Variants in NBEA observed in about 807,000 individuals in gnomAD.
NBEA encodes lysosomal-trafficking regulator 2.
Under a neutral mutation model 343.4 loss-of-function variants are expected in NBEA, and 44 were observed. That is an observed-to-expected ratio of 0.13 (90% CI 0.10 to 0.16). The LOEUF is 0.16. Among genes scored for constraint, NBEA ranks in the 10% least tolerant of loss-of-function variants. The probability of loss-of-function intolerance (pLI) is 1.00; values close to 1 mark genes in which losing one functional copy is unlikely to be tolerated. For synonymous variants in NBEA, 1,175 were observed against 1,238.7 expected (o/e 0.95, Z 1.08); for missense variants, 2,555 against 3,631.3 (o/e 0.70, Z 7.62).
At chr13:35,216,278 A>G (rs1270273226) in intron 33 of NBEA, among the ~76,000 whole-genome samples, 1 of 151,786 alleles carries the variant, frequency 6.6e-6, no homozygotes, top group Non-Finnish European at 1.5e-5. Flanking sequence ...GTGTCTATAA[A>G]CTGTGGACCA....
At chr13:35,518,469 T>G (rs1594863155) in intron 41 of NBEA, among the ~76,000 whole-genome samples, 1 of 152,244 alleles carries the variant, frequency 6.6e-6, no homozygotes, top group East Asian at 1.9e-4. Context: ...AAGTCTGTGG[T>G]TTTCCACTGT....
chr13:35,085,839 A>G (rs1270198537), intron 10 of NBEA, among the ~76,000 whole-genome samples: 4 of 152,044 alleles, frequency 2.6e-5, no homozygotes, highest in Admixed American at 1.3e-4. Flanking sequence ...AAACCCCATC[A>G]TCTCAGCCCA....
intron 1 of NBEA, among the ~76,000 whole-genome samples, chr13:35,026,236 G>C (rs2062016254): frequency 6.6e-6 from 1 of 151,986 alleles, no homozygotes; most frequent in Non-Finnish European, 1.5e-5. Flanking sequence ...AGTTTCCTGA[G>C]GCCTCCCCAG....
intron 5 of NBEA, 89 bp downstream of exon 5, chr13:35,048,773 A>G: frequency 1.4e-6 from 1 of 711,842 alleles, no homozygotes; most frequent in Non-Finnish European, 2.3e-6. Flanking sequence ...GATAGAATAT[A>G]TGTATATATG....
chr13:35,403,489 A>G (rs1016728276), intron 38 of NBEA, among the ~76,000 whole-genome samples: 1 of 152,114 alleles, frequency 6.6e-6, no homozygotes, highest in Non-Finnish European at 1.5e-5. Context: ...AACCTGAGAA[A>G]AACAAGCAAT....
At chr13:35,462,966 C>A (rs1020978759) in intron 40 of NBEA, among the ~76,000 whole-genome samples, 2 of 152,108 alleles carry the variant, frequency 1.3e-5, no homozygotes, top group African/African-American at 4.8e-5. Flanking sequence ...TCTGTTGGGC[C>A]TCCAAAATTT....
chr13:35,513,421 G>T (rs983662348), intron 41 of NBEA, among the ~76,000 whole-genome samples: 1 of 149,846 alleles, frequency 6.7e-6, no homozygotes, highest in Non-Finnish European at 1.5e-5. Context: ...AAAGTGCTAG[G>T]ATTACAGGCA....
rs767001319 is a variant in NBEA, at chr13:35,159,275, A to G, written c.3104A>G (p.Asp1035Gly). Residue 1035 changes from aspartate (D) to glycine (G), a missense_variant, in exon 22 of 59, where the codon GAT becomes GGT. By Grantham distance (94) the Asp-to-Gly change is moderately conservative. Around this residue, in one of 21 missense-constraint regions of NBEA, gnomAD observed 367 missense variants for 377.5 expected, o/e 0.97. Transcript: ENST00000379939. ...RDLLMSTKVS[D>G]DILGNSDRPG... ...TTACTCATGTCAACAAAAGTGTCAG[A>G]TGATATTCTTGGAAATTCAGATAGA... is the stretch of plus-strand genomic sequence containing the variant. The G allele has an allele frequency of 1.2e-6, 2 of 1,613,590 alleles. No homozygotes were observed. Among genetic ancestry groups the G allele is most frequent in the South Asian group, 1.1e-5 (1 of 91,080 alleles).
chr13:35,394,011 G>A (rs17815518), intron 38 of NBEA, among the ~76,000 whole-genome samples: 4,491 of 152,162 alleles, frequency 0.03, 102 homozygotes, highest in Non-Finnish European at 0.045. Flanking sequence ...ATAATATGCA[G>A]CATACCAAGA....
chr13:35,304,514 C>T (rs571037286), intron 35 of NBEA, among the ~76,000 whole-genome samples: 208 of 152,132 alleles, frequency 1.4e-3, no homozygotes, highest in Admixed American at 3.6e-3. Context: ...CCACCACACC[C>T]GGCTAATTTT....
At chr13:35,010,993 T>G (rs1297814935) in intron 1 of NBEA, among the ~76,000 whole-genome samples, 3 of 151,552 alleles carry the variant, frequency 2.0e-5, no homozygotes, top group African/African-American at 7.3e-5. Flanking sequence ...TTTACTGTGT[T>G]TGCATGCTGA....
At chr13:35,304,357 G>GTA (rs1037806783) in intron 35 of NBEA, among the ~76,000 whole-genome samples, 3 of 151,064 alleles carry the variant, frequency 2.0e-5, no homozygotes, top group South Asian at 2.1e-4. Flanking sequence ...GTGTGTGTGT[G>GTA]TATATCTGTG....
At chr13:35,481,325 C>T (rs879774488) in intron 41 of NBEA, among the ~76,000 whole-genome samples, 1 of 151,850 alleles carries the variant, frequency 6.6e-6, no homozygotes, top group Non-Finnish European at 1.5e-5. Flanking sequence ...TACTGGATAA[C>T]TAGCCAAAAC....
intron 38 of NBEA, among the ~76,000 whole-genome samples, chr13:35,365,763 G>C (rs570830669): frequency 7.9e-5 from 12 of 151,758 alleles, no homozygotes; most frequent in African/African-American, 2.9e-4. Flanking sequence ...AAAAGGTTTA[G>C]AAATTTGAAT....
intron 33 of NBEA, among the ~76,000 whole-genome samples, chr13:35,231,885 C>T (rs755294981): frequency 6.6e-6 from 1 of 152,092 alleles, no homozygotes. Flanking sequence ...TTTACTTTTA[C>T]ATGTACCAAA....
chr13:35,545,386 T>G (rs116781123), intron 41 of NBEA, among the ~76,000 whole-genome samples: 79 of 152,306 alleles, frequency 5.2e-4, no homozygotes, highest in African/African-American at 1.9e-3. Flanking sequence ...AATCTCACTC[T>G]GCCACCTTCC....
intron 38 of NBEA, among the ~76,000 whole-genome samples, chr13:35,416,685 G>T (rs1021579022): frequency 6.6e-6 from 1 of 152,112 alleles, no homozygotes; most frequent in African/African-American, 2.4e-5. Flanking sequence ...AAGGATATTG[G>T]TCTAAAATTC....
At chr13:35,310,474 C>T (rs2037286286) in intron 36 of NBEA, among the ~76,000 whole-genome samples, 1 of 152,164 alleles carries the variant, frequency 6.6e-6, no homozygotes, top group Non-Finnish European at 1.5e-5. Context: ...TAAAACACAG[C>T]ACGCTTTGCG....
chr13:35,347,772 G>T (rs2039970256), intron 36 of NBEA, among the ~76,000 whole-genome samples: 1 of 151,106 alleles, frequency 6.6e-6, no homozygotes, highest in Non-Finnish European at 1.5e-5. Flanking sequence ...GATTCTCATT[G>T]CCTGGGCTCA....
Sources: allele counts gnomAD v4.1 joint callset (sites outside exome capture counted in the v4.1 genomes callset), GRCh38; gene constraint gnomAD v4.1.1; regional missense constraint gnomAD v4.1.1; transcripts MANE v1.5; gene names NCBI Gene and HGNC (gene_info 2026-07-23, HGNC 2026-07-21).